KIF21A: variants seen among roughly 807,000 people sequenced by gnomAD.
The protein encoded by KIF21A is kinesin-like protein KIF21A.
A neutral mutation model predicts 202.9 loss-of-function variants in KIF21A; 114 were observed. The ratio of observed to expected loss-of-function variants is 0.56; its 90% CI spans 0.48 to 0.66. The LOEUF (loss-of-function observed/expected upper bound fraction) is 0.66, where lower values mean the gene tolerates loss of function less well. KIF21A is among the 30% of genes least tolerant of loss of function. The pLI is 0.00. For synonymous variants in KIF21A, 667 were observed against 670.8 expected (o/e 0.99, Z 0.09); for missense variants, 1,677 against 1,994.9 (o/e 0.84, Z 3.04).
At chr12:39,385,776 AACTC>A (rs1467790530) in intron 1 of KIF21A, among the ~76,000 whole-genome samples, 1 of 152,144 alleles carries the variant, frequency 6.6e-6, no homozygotes, top group African/African-American at 2.4e-5. Context: ...ATGAGGGAAA[AACTC>A]ACAGGTGAAG....
chr12:39,418,192 TA>T lies in KIF21A; in HGVS notation c.44+24734del, dbSNP rs879636714. ...CTGGGTGACAAAACAAGACCCTGAC[TA>T]AAAAAAAAAAAAAAGAGCAAAGAGT... On this transcript the variant is annotated intron_variant, in intron 1 of 37. Transcript: ENST00000361418. Among the ~76,000 whole-genome samples the T allele has an allele frequency of 6.6e-3, 740 of 112,366 alleles. 2 individuals are homozygous for T. The highest frequency in any genetic ancestry group is 8.7e-3 in the Middle Eastern group (2 of 230). 73.7% of individuals were successfully genotyped at this position (112,366 alleles called of 152,430 possible). A position where few individuals can be genotyped will look rare whatever the true frequency, so the allele number is the denominator to read the frequency against.
rs761755690 is a variant in KIF21A at position 39,307,679 on chromosome 12, C to T, written c.4328G>A (p.Arg1443Gln). ...LGDACSASTS[R>Q]TVAIPSGENQ... The stretch of plus-strand genomic sequence containing the variant: ...CTCTCCAGAAGGAATAGCTACTGTT[C>T]GACTGGTACTTGCAGAACAAGCATC... The change falls in exon 34 of 38, where the codon CGA (arginine) becomes CAA (glutamine). Residue 1443 changes from arginine (R) to glutamine (Q), a missense_variant. This residue lies in a region of KIF21A where 705 missense variants were observed against 791.9 expected (regional missense o/e 0.89). Transcript: ENST00000361418. 1.1e-5 allele frequency: 17 copies of T among 1,613,866 alleles called. No homozygotes were observed. Among genetic ancestry groups the T allele is most frequent in the East Asian group, 8.9e-5 (4 of 44,864 alleles).
chr12:39,401,972 A>G (rs2139867412), intron 1 of KIF21A, among the ~76,000 whole-genome samples: 1 of 152,348 alleles, frequency 6.6e-6, no homozygotes, highest in South Asian at 2.1e-4. Context: ...AATAGACTAA[A>G]TTAGACTGCA....
chr12:39,344,667 A>C (rs1163842045), intron 12 of KIF21A, among the ~76,000 whole-genome samples: 2 of 152,196 alleles, frequency 1.3e-5, no homozygotes, highest in Non-Finnish European at 2.9e-5. Context: ...TCTGATGTGG[A>C]AAAATCAGCA....
intron 1 of KIF21A, among the ~76,000 whole-genome samples, chr12:39,393,531 C>G (rs945173500): frequency 3.9e-5 from 6 of 152,118 alleles, no homozygotes; most frequent in African/African-American, 1.4e-4. Flanking sequence ...TTGTATTTGC[C>G]ATTCCGTCTT....
At chr12:39,441,731 C>T (rs972708114) in intron 1 of KIF21A, among the ~76,000 whole-genome samples, 3 of 128,790 alleles carry the variant, frequency 2.3e-5, no homozygotes, top group Admixed American at 1.8e-4. Flanking sequence ...ACAAAGTATA[C>T]GAAACAGCCA....
In KIF21A at chr12:39,340,147, GA is replaced by G. The variant is rs775571238; in HGVS notation, c.2310+17del. 9 of 1,597,872 alleles carry G rather than the reference GA, an allele frequency of 5.6e-6. No individual in the cohort carries two copies. Among genetic ancestry groups the G allele is most frequent in the Non-Finnish European group, 7.7e-6 (9 of 1,167,234 alleles). Reference sequence around the variant, plus strand: ...TCATACTGAACATCAAACGTTAATGGAAAAAAATAATCAATACCTTTGTTTT... The same window carrying G: ...TCATACTGAACATCAAACGTTAATGGAAAAAATAATCAATACCTTTGTTTT... On this transcript the variant is annotated intron_variant, in intron 16 of 37. Coordinates refer to ENST00000361418, the MANE Select transcript of KIF21A (RefSeq NM_001173464.2).
intron 17 of KIF21A, among the ~76,000 whole-genome samples, chr12:39,334,108 G>A (rs752977405): frequency 2.0e-5 from 3 of 151,134 alleles, no homozygotes; most frequent in Non-Finnish European, 4.4e-5. Flanking sequence ...GGCTGAGGTG[G>A]GAGAATCGCT....
chr12:39,381,680 A>G (rs1480992790), intron 1 of KIF21A, among the ~76,000 whole-genome samples: 3 of 152,212 alleles, frequency 2.0e-5, no homozygotes, highest in Admixed American at 2.0e-4. Flanking sequence ...TATTTTTGTA[A>G]GGAAAATGTG....
In KIF21A at chr12:39,324,066, C is replaced by T. The variant is rs552387669; in HGVS notation, c.3457-1184G>A. Among the ~76,000 whole-genome samples, 13 of 151,836 alleles carry T rather than the reference C, an allele frequency of 8.6e-5. No individual in the cohort carries two copies. In the South Asian group the frequency reaches 2.3e-3, roughly 27 times the overall value. ...CGGAGGTTGCAGTGAGCTGAGATCG[C>T]GCCACTGCACTCCAGTCTGGGCGAT... On this transcript the variant is annotated intron_variant, in intron 26 of 37. Coordinates refer to ENST00000361418, the MANE Select transcript of KIF21A (RefSeq NM_001173464.2).
chr12:39,340,008 T>C (rs1947313683), intron 16 of KIF21A, among the ~76,000 whole-genome samples, 157 bp downstream of exon 16: 1 of 152,142 alleles, frequency 6.6e-6, no homozygotes, highest in African/African-American at 2.4e-5. Flanking sequence ...GAATGACTAT[T>C]AGAAACAACT....
intron 12 of KIF21A, 54 bp from the exon 13 acceptor site, chr12:39,342,178 C>T: frequency 8.1e-7 from 1 of 1,237,938 alleles, no homozygotes; most frequent in Non-Finnish European, 1.2e-6. Flanking sequence ...AAATTATTCA[C>T]TTTTTCTCCC....
At chr12:39,315,314 G>A in intron 30 of KIF21A, 74 bp from the exon 31 acceptor site, 10 of 1,309,946 alleles carry the variant, frequency 7.6e-6, no homozygotes, top group Non-Finnish European at 1.1e-5. Context: ...AAATGATAAT[G>A]GTGAAAGGGA....
chr12:39,383,907 T>C (rs1044208804), intron 1 of KIF21A, among the ~76,000 whole-genome samples: 2 of 152,216 alleles, frequency 1.3e-5, no homozygotes, highest in East Asian at 1.9e-4. Flanking sequence ...TTACTGTAAA[T>C]AGACAGTTTT....
intron 1 of KIF21A, among the ~76,000 whole-genome samples, chr12:39,421,530 TA>T (rs1954256820): frequency 6.6e-6 from 1 of 151,668 alleles, no homozygotes; most frequent in Admixed American, 6.6e-5. Flanking sequence ...CTTTCTCTAC[TA>T]AAAATACACA....
At chr12:39,316,951 G>A (rs1944614783) in intron 29 of KIF21A, among the ~76,000 whole-genome samples, 1 of 152,174 alleles carries the variant, frequency 6.6e-6, no homozygotes, top group Non-Finnish European at 1.5e-5. Flanking sequence ...GTGAAGGCAA[G>A]GTAGACACAA....
intron 1 of KIF21A, among the ~76,000 whole-genome samples, chr12:39,406,842 C>T (rs984802346): frequency 6.6e-6 from 1 of 152,114 alleles, no homozygotes; most frequent in Non-Finnish European, 1.5e-5. Context: ...TCAAATCAAC[C>T]CACTCTCCAA....
intron 34 of KIF21A, among the ~76,000 whole-genome samples, chr12:39,306,981 A>C (rs1240334626): frequency 6.6e-6 from 1 of 152,236 alleles, no homozygotes; most frequent in East Asian, 1.9e-4. Context: ...TAACATAAAC[A>C]CTCAACTAAA....
intron 1 of KIF21A, among the ~76,000 whole-genome samples, chr12:39,441,660 T>TAAAAAAAAA (rs56245570): frequency 0.011 from 407 of 37,736 alleles, 76 homozygotes; most frequent in African/African-American, 0.014. Context: ...CCCTGGGTGG[T>TAAAAAAAAA]AAAAAAAAAA....
Sources: gnomAD v4.1 joint callset for allele counts (sites outside exome capture counted in the v4.1 genomes callset) on GRCh38, gnomAD v4.1.1 for gene constraint, gnomAD v4.1.1 regional missense constraint, MANE v1.5 for transcripts, NCBI Gene and HGNC (gene_info 2026-07-23, HGNC 2026-07-21) for gene names.